ZNF436: variants seen among roughly 807,000 people sequenced by gnomAD.
The protein encoded by ZNF436 is DNA-binding protein.
In ZNF436, 22 loss-of-function variants were observed where a neutral mutation model predicts 41.9. That is an observed-to-expected ratio of 0.53 (90% CI 0.38 to 0.75). ZNF436 has a LOEUF of 0.75. Ranked by LOEUF, ZNF436 falls within the 30% of genes least tolerant of loss-of-function variation. ZNF436 has a pLI of 0.00. For synonymous variants in ZNF436, 217 were observed against 197.8 expected, an observed-to-expected ratio of 1.10 and a Z score of -0.82; for missense variants, 506 against 587.3, an observed-to-expected ratio of 0.86 and a Z score of 1.43.
chr1:23,362,140 C>A lies in ZNF436; in HGVS notation c.1242G>T (p.Gly414=), dbSNP rs767640223. 4.3e-6 allele frequency: 7 copies of A among 1,613,934 alleles called. No individual in the cohort carries two copies. In the East Asian group the frequency reaches 1.1e-4, roughly 26 times the overall value. The change falls in exon 4 of 4, where the codon GGG becomes GGT. Residue 414 remains glycine (G), a synonymous_variant. Coordinates refer to ENST00000314011, the MANE Select transcript of ZNF436 (RefSeq NM_001077195.2). Reference sequence around the variant, plus strand: ...ACTGCACACACTCGTAGGGCTTCTCCCCTGTGTGGGTTCTCTGATGTTTAA... The same window carrying A: ...ACTGCACACACTCGTAGGGCTTCTCACCTGTGTGGGTTCTCTGATGTTTAA... ...DLIKHQRTHT[G]EKPYECVQCG... is the part of the protein sequence containing the mutation.
chr1:23,367,249 GA>G (rs1394289438), intron 2 of ZNF436, 81 bp from the exon 3 acceptor site: 4 of 1,438,990 alleles, frequency 2.8e-6, no homozygotes, highest in South Asian at 2.8e-5. Flanking sequence ...TATTCAGGAG[GA>G]AAAATATATT....
Position 23,362,563 on chromosome 1 carries a change from C to T in ZNF436, c.819G>A (p.Thr273=), listed in dbSNP as rs748245374. 1.3e-5 allele frequency: 21 copies of T among 1,611,094 alleles called. No individual in the cohort carries two copies. The highest frequency in any genetic ancestry group is 2.2e-5 in the South Asian group (2 of 90,904). ...CGTTACATTCATAAGGTTTCTCACC[C>T]GTGTGGGTCCTCTGGTGCTGAGCTA... ...SHLAQHQRTH[T]GEKPYECNEC... Residue 273 remains threonine, a synonymous_variant, in exon 4 of 4, where the codon ACG becomes ACA. Coordinates refer to ENST00000314011, the MANE Select transcript of ZNF436 (RefSeq NM_001077195.2).
chr1:23,366,960 A>T (rs1638372157), intron 3 of ZNF436, 82 bp downstream of exon 3: 1 of 1,508,936 alleles, frequency 6.6e-7, no homozygotes, highest in African/African-American at 1.4e-5. Context: ...AAATCAAACC[A>T]CTAGGCTGTG....
intron 2 of ZNF436, 115 bp downstream of exon 2, chr1:23,367,858 C>A: frequency 8.1e-7 from 1 of 1,230,794 alleles, no homozygotes; most frequent in African/African-American, 1.5e-5. Context: ...GGCAGAATAT[C>A]GAAGCCAGCG....
chr1:23,362,825 C>T lies in ZNF436; in HGVS notation c.557G>A (p.Arg186Lys), dbSNP rs1570184526. 1 of 1,614,232 alleles carries T rather than the reference C, an allele frequency of 6.2e-7. No individual in the cohort carries two copies. The highest frequency in any genetic ancestry group is 8.5e-7 in the Non-Finnish European group (1 of 1,180,044). The change falls in exon 4 of 4, where the codon AGA becomes AAA. Residue 186 changes from arginine (R) to lysine (K), a missense_variant. This residue lies in a region of ZNF436 where 278 missense variants were observed against 372.1 expected (regional missense o/e 0.75). Transcript: ENST00000314011. Reference sequence around the variant, plus strand: ...ATAAGGCCTCTCCCCAGTATGTGTTCTTTGATGCTGAATAAGGTGTGAGCT... The same window carrying T: ...ATAAGGCCTCTCCCCAGTATGTGTTTTTTGATGCTGAATAAGGTGTGAGCT... ...SRSSHLIQHQ[R>K]THTGERPYDC...
intron 1 of ZNF436, chr1:23,368,333 C>T (rs1484236622): frequency 9.2e-6 from 3 of 325,088 alleles, no homozygotes; most frequent in Non-Finnish European, 1.7e-5. Context: ...AGGTGCTCAG[C>T]TCAGCCCAGG....
chr1:23,368,197 T>A (rs1638406169), intron 1 of ZNF436, 132 bp from the exon 2 acceptor site: 2 of 614,036 alleles, frequency 3.3e-6, no homozygotes, highest in Non-Finnish European at 5.7e-6. Flanking sequence ...TCCCTGACCC[T>A]CGAGCGCGAC....
intron 3 of ZNF436, 25 bp from the exon 4 acceptor site, chr1:23,363,246 A>G: frequency 1.3e-6 from 2 of 1,582,566 alleles, no homozygotes. Flanking sequence ...AAACAATAAG[A>G]CTAGTAAGTA....
chr1:23,369,246 G>A, intron 1 of ZNF436, 120 bp downstream of exon 1: 1 of 439,108 alleles, frequency 2.3e-6, no homozygotes, highest in South Asian at 1.7e-5. Flanking sequence ...GCGGCCTCCC[G>A]CACCGAAGGG....
At position 23,362,313 on chromosome 1, in the gene ZNF436, T is replaced by A; in HGVS notation, c.1069A>T (p.Thr357Ser). The change falls in exon 4 of 4, where the codon ACT becomes TCT. Residue 357 changes from threonine to serine, a missense_variant. Around this residue, in one of 2 missense-constraint regions of ZNF436, gnomAD observed 278 missense variants for 372.1 expected, o/e 0.75. Transcript: ENST00000314011. ...SHLVQHQRTH[T>S]GEKPYECNAC... ...TTGCATTCATATGGCTTCTCTCCAG[T>A]GTGAGTTCTCTGGTGCTGAACCAAG... 6.2e-7 allele frequency: 1 copy of A among 1,613,968 alleles called. No homozygotes were observed. Among genetic ancestry groups the A allele is most frequent in the Non-Finnish European group, 8.5e-7 (1 of 1,179,986 alleles).
chr1:23,367,091 G>C lies in ZNF436; in HGVS notation c.111C>G (p.Asp37Glu), dbSNP rs760178235. The C allele has an allele frequency of 4.7e-5, 76 of 1,613,752 alleles. No homozygotes were observed. Among genetic ancestry groups the C allele is most frequent in the Non-Finnish European group, 6.2e-5 (73 of 1,179,882 alleles). Residue 37 changes from aspartate (D) to glutamate (E), a missense_variant, in exon 3 of 4, where the codon GAC (aspartate) becomes GAG (glutamate). Asp to Glu is a conservative substitution (Grantham distance 45, BLOSUM62 2). Coordinates refer to ENST00000314011, the MANE Select transcript of ZNF436 (RefSeq NM_001077195.2). ...EWRPLDAAQR[D>E]LYRDVMQENY... ...TCTCCTGCATAACATCCCGGTAAAGGTCCCTCTGTGCAGCGTCCAGAGGTC... is the reference window on the plus strand; with the variant it reads ...TCTCCTGCATAACATCCCGGTAAAGCTCCCTCTGTGCAGCGTCCAGAGGTC...
rs147453757 is a variant in ZNF436 at position 23,361,212 on chromosome 1, C to G, written c.*757G>C. 1 of 152,686 alleles carries G rather than the reference C, an allele frequency of 6.5e-6. No homozygotes were observed. Among genetic ancestry groups the G allele is most frequent in the Non-Finnish European group, 1.5e-5 (1 of 68,036 alleles). 9.5% of individuals were successfully genotyped at this position (152,686 alleles called of 1,614,324 possible). ...ATACAATATTCCCTATAGTGATCCC[C>G]AAAGAAAATTCATAAATCTGATTAA... On this transcript the variant is annotated 3_prime_UTR_variant, in exon 4 of 4. Transcript: ENST00000314011.
intron 3 of ZNF436, among the ~76,000 whole-genome samples, chr1:23,365,022 T>A (rs1041145348): frequency 6.6e-6 from 1 of 151,984 alleles, no homozygotes; most frequent in African/African-American, 2.4e-5. Flanking sequence ...TTTGGGAGGC[T>A]GATGCAGGAG....
chr1:23,367,757 A>C (rs879655196), intron 2 of ZNF436, among the ~76,000 whole-genome samples: 1 of 152,196 alleles, frequency 6.6e-6, no homozygotes, highest in Non-Finnish European at 1.5e-5. Context: ...CATCTCGTCC[A>C]TCTTTTATCT....
intron 3 of ZNF436, among the ~76,000 whole-genome samples, chr1:23,364,011 C>T (rs986096919): frequency 7.9e-5 from 12 of 151,386 alleles, no homozygotes; most frequent in African/African-American, 2.7e-4. Context: ...CACCGCACAC[C>T]AATATGGGTG....
chr1:23,364,756 C>A (rs901616550), intron 3 of ZNF436, among the ~76,000 whole-genome samples: 2 of 152,208 alleles, frequency 1.3e-5, no homozygotes, highest in African/African-American at 4.8e-5. Context: ...TCAAAATACA[C>A]AACCACTGTC....
In ZNF436 at chr1:23,362,673, G is replaced by T. The variant is rs777782840; in HGVS notation, c.709C>A (p.Leu237Ile). 6.2e-7 allele frequency: 1 copy of T among 1,613,960 alleles called. No individual in the cohort carries two copies. Among genetic ancestry groups the T allele is most frequent in the Non-Finnish European group, 8.5e-7 (1 of 1,180,022 alleles). Residue 237 changes from leucine to isoleucine, a missense_variant, in exon 4 of 4, where the codon CTA becomes ATA. Physicochemically the swap from Leu to Ile is conservative, Grantham distance 5. Transcript: ENST00000314011. ...CGKSFCRLSHLIQHQRTHSGE... is the reference protein window; with the variant it reads ...CGKSFCRLSHIIQHQRTHSGE... ...CTGTGGGTCCTTTGGTGTTGGATTAGGTGAGAGAGACGGCAGAAACTTTTT... is the reference window on the plus strand; with the variant it reads ...CTGTGGGTCCTTTGGTGTTGGATTATGTGAGAGAGACGGCAGAAACTTTTT...
In ZNF436 at chr1:23,360,081, G is replaced by A. The variant is rs1484920678; in HGVS notation, c.*1888C>T. 2 of 152,180 alleles carry A rather than the reference G, an allele frequency of 1.3e-5. No homozygotes were observed. The highest frequency in any genetic ancestry group is 2.9e-5 in the Non-Finnish European group (2 of 68,004). The allele number at this position is 152,180 out of a possible 1,614,324, so 9.4% of individuals were successfully genotyped here. On this transcript the variant is annotated 3_prime_UTR_variant, in exon 4 of 4. Coordinates refer to ENST00000314011, the MANE Select transcript of ZNF436 (RefSeq NM_001077195.2). ...TGTGTCACCCGACAATTAAAATATG[G>A]ATACCCACAGTCTGCTAGATTTTGT... is the stretch of plus-strand genomic sequence containing the variant.
Position 23,362,296 on chromosome 1 carries a change from A to G in ZNF436, c.1086T>C (p.Tyr362=), listed in dbSNP as rs545446726. The G allele has an allele frequency of 6.2e-7, 1 of 1,614,118 alleles. No individual in the cohort carries two copies. The highest frequency in any genetic ancestry group is 1.3e-5 in the African/African-American group (1 of 75,034). Residue 362 remains tyrosine (Y), a synonymous_variant, in exon 4 of 4, where the codon TAT becomes TAC. Transcript: ENST00000314011. ...AGCTTTTCCCACAAGCATTGCATTC[A>G]TATGGCTTCTCTCCAGTGTGAGTTC... The part of the protein sequence containing the change: ...HQRTHTGEKP[Y]ECNACGKSFS...
Sources: allele counts gnomAD v4.1 joint callset (sites outside exome capture counted in the v4.1 genomes callset), GRCh38; gene constraint gnomAD v4.1.1; regional missense constraint gnomAD v4.1.1; transcripts MANE v1.5; gene names NCBI Gene and HGNC (gene_info 2026-07-23, HGNC 2026-07-21).